NPNT: variants seen among roughly 807,000 people sequenced by gnomAD.
The protein encoded by NPNT is nephronectin.
NPNT carries 45 observed loss-of-function variants against 68.6 expected under a neutral mutation model. The observed-to-expected ratio is 0.66, with a 90% CI of 0.52 to 0.84. The LOEUF (loss-of-function observed/expected upper bound fraction) is 0.84. Ranked by LOEUF, NPNT falls within the 40% of genes least tolerant of loss-of-function variation. The pLI, the probability that NPNT is intolerant of heterozygous loss-of-function variation, is 0.00. For missense variants in NPNT, 672 were observed against 714.8 expected (o/e 0.94, Z 0.68); for synonymous variants, 233 against 253.3 (o/e 0.92, Z 0.76).
At position 105,967,495 on chromosome 4, in the gene NPNT, G is replaced by A. The variant is rs745327672; in HGVS notation, c.1602+51G>A. The A allele has an allele frequency of 5.4e-6, 8 of 1,483,306 alleles. No individual in the cohort carries two copies. In the South Asian group the frequency reaches 9.7e-5, roughly 18 times the overall value. The allele number at this position is 1,483,306 out of a possible 1,614,324, so 91.9% of individuals were successfully genotyped here. A position where few individuals can be genotyped will look rare whatever the true frequency, so the allele number is the denominator to read the frequency against. ...GACCTGGGACGTTTTCCTTTCATAG[G>A]AGAACTCTGGGATCTGAATTTGAAG... On this transcript the variant is annotated intron_variant, in intron 11 of 11. Coordinates refer to ENST00000379987, the MANE Select transcript of NPNT (RefSeq NM_001033047.3).
intron 2 of NPNT, chr4:105,912,130 C>T (rs1300293624): frequency 1.6e-6 from 2 of 1,228,354 alleles, no homozygotes; most frequent in African/African-American, 3.0e-5. Context: ...ATACCCAAGT[C>T]CAGCCTCCTT....
At chr4:105,900,141 C>G (rs535624600) in intron 2 of NPNT, among the ~76,000 whole-genome samples, 1 of 152,316 alleles carries the variant, frequency 6.6e-6, no homozygotes, top group Non-Finnish European at 1.5e-5. Context: ...GCCTTTTCGA[C>G]CTTTAGATAA....
At chr4:105,942,111 GTGTGTA>G (rs200480708) in intron 7 of NPNT, among the ~76,000 whole-genome samples, 190 bp from the exon 8 acceptor site, 9 of 138,224 alleles carry the variant, frequency 6.5e-5, no homozygotes, top group African/African-American at 2.2e-4. Flanking sequence ...GTGTCTGTGT[GTGTGTA>G]TATATATATA....
chr4:105,954,807 T>G (rs1483812179), intron 8 of NPNT, among the ~76,000 whole-genome samples: 1 of 152,208 alleles, frequency 6.6e-6, no homozygotes, highest in African/African-American at 2.4e-5. Flanking sequence ...CTCCCCAGCC[T>G]AGCTTAGCCA....
At chr4:105,931,588 G>T (rs957743339) in intron 3 of NPNT, among the ~76,000 whole-genome samples, 4 of 151,200 alleles carry the variant, frequency 2.6e-5, no homozygotes, top group Admixed American at 6.6e-5. Flanking sequence ...ACTTTGGAAG[G>T]CCGAGGCGGG....
chr4:105,919,048 T>C (rs1258498713), intron 2 of NPNT, among the ~76,000 whole-genome samples: 1 of 152,116 alleles, frequency 6.6e-6, no homozygotes, highest in Non-Finnish European at 1.5e-5. Flanking sequence ...CTTGTAAACC[T>C]TTCTCTAAAT....
At chr4:105,903,010 G>A (rs905208035) in intron 2 of NPNT, among the ~76,000 whole-genome samples, 2 of 152,100 alleles carry the variant, frequency 1.3e-5, no homozygotes, top group South Asian at 2.1e-4. Context: ...GCCAACTAAA[G>A]GGAAGCACTC....
intron 2 of NPNT, among the ~76,000 whole-genome samples, chr4:105,915,371 G>A (rs1167391548): frequency 6.6e-6 from 1 of 152,132 alleles, no homozygotes; most frequent in Non-Finnish European, 1.5e-5. Context: ...ACAGTGTTAG[G>A]GCAGTGGCGG....
intron 3 of NPNT, chr4:105,932,702 G>A: frequency 6.5e-7 from 1 of 1,534,406 alleles, no homozygotes; most frequent in Non-Finnish European, 8.7e-7. Context: ...TGCCTTCAAG[G>A]GGTGAGCGTG....
At chr4:105,910,701 T>C (rs1025662509) in intron 2 of NPNT, among the ~76,000 whole-genome samples, 1 of 152,134 alleles carries the variant, frequency 6.6e-6, no homozygotes, top group African/African-American at 2.4e-5. Flanking sequence ...AATTAAAAAA[T>C]ATAGGACATT....
intron 2 of NPNT, chr4:105,912,574 G>A (rs1219224031): frequency 2.0e-6 from 2 of 995,252 alleles, no homozygotes; most frequent in Non-Finnish European, 1.2e-6. Flanking sequence ...TCCACCAAAT[G>A]AAATTACTAA....
At chr4:105,927,161 T>G in intron 2 of NPNT, 175 bp from the exon 3 acceptor site, 1 of 382,146 alleles carries the variant, frequency 2.6e-6, no homozygotes, top group South Asian at 4.1e-5. Flanking sequence ...ACATAACACA[T>G]GTGTGTGTGT....
Position 105,940,129 on chromosome 4 carries a change from T to C in NPNT, c.560T>C (p.Val187Ala). The stretch of plus-strand genomic sequence containing the variant: ...TCCTGCCCTAGATTTAGGCAATGTG[T>C]CAACACTTTTGGGAGCTACATCTGC... ...RASCPRFRQC[V>A]NTFGSYICKC... The change falls in exon 6 of 12, where the codon GTC becomes GCC. Residue 187 changes from valine to alanine, a missense_variant. By Grantham distance (64) the Val-to-Ala change is moderately conservative. Coordinates refer to ENST00000379987, the MANE Select transcript of NPNT (RefSeq NM_001033047.3). 1 of 1,612,710 alleles carries C rather than the reference T, an allele frequency of 6.2e-7. No homozygotes were observed. The highest frequency in any genetic ancestry group is 1.1e-5 in the South Asian group (1 of 91,052).
At chr4:105,962,144 A>C (rs1362503489) in intron 10 of NPNT, among the ~76,000 whole-genome samples, 2 of 152,206 alleles carry the variant, frequency 1.3e-5, no homozygotes, top group Non-Finnish European at 2.9e-5. Flanking sequence ...GACCATCTCT[A>C]TAGAAATATG....
intron 10 of NPNT, among the ~76,000 whole-genome samples, chr4:105,962,286 G>T (rs959396535): frequency 3.9e-5 from 6 of 152,190 alleles, no homozygotes; most frequent in Non-Finnish European, 8.8e-5. Flanking sequence ...GTATCTCCAA[G>T]CTTGTGAAAA....
At position 105,900,202 on chromosome 4, in the gene NPNT, G is replaced by C. The variant is rs898773340; in HGVS notation, c.172+2201G>C. 3.9e-5 allele frequency among the ~76,000 whole-genome samples: 6 copies of C among 152,240 alleles called. No homozygotes were observed. In the East Asian group the frequency reaches 1.2e-3, roughly 29 times the overall value. On this transcript the variant is annotated intron_variant, in intron 2 of 11. Transcript: ENST00000379987. ...GGGCTATTCTCCCTTCCTCATCAGA[G>C]GTGCTCTGGTTCTCTTCTTTTCTGA...
At chr4:105,948,929 T>G (rs1730597204) in intron 8 of NPNT, among the ~76,000 whole-genome samples, 1 of 152,082 alleles carries the variant, frequency 6.6e-6, no homozygotes, top group African/African-American at 2.4e-5. Flanking sequence ...GGACCCTAGG[T>G]TTTTTTAGGT....
At chr4:105,924,778 T>C (rs1340636539) in intron 2 of NPNT, among the ~76,000 whole-genome samples, 1 of 152,250 alleles carries the variant, frequency 6.6e-6, no homozygotes, top group Non-Finnish European at 1.5e-5. Flanking sequence ...CAAGTTTAAT[T>C]GTTTTATAAA....
intron 2 of NPNT, among the ~76,000 whole-genome samples, chr4:105,921,298 A>T (rs1728244162): frequency 6.6e-6 from 1 of 152,152 alleles, no homozygotes; most frequent in Admixed American, 6.6e-5. Flanking sequence ...CCACCAGAAG[A>T]AGTAGTGGAT....
Sources: allele counts gnomAD v4.1 joint callset (sites outside exome capture counted in the v4.1 genomes callset), GRCh38; gene constraint gnomAD v4.1.1; transcripts MANE v1.5; gene names NCBI Gene and HGNC (gene_info 2026-07-23, HGNC 2026-07-21).